TAF2: variants seen among roughly 807,000 people sequenced by gnomAD.
TAF2 encodes transcription initiation factor TFIID subunit 2.
A neutral mutation model predicts 138.5 loss-of-function variants in TAF2; 61 were observed. The observed-to-expected ratio is 0.44, with a 90% CI of 0.36 to 0.54. TAF2 has a LOEUF of 0.54. Ranked by LOEUF, TAF2 falls within the 20% of genes least tolerant of loss-of-function variation. The pLI is 0.00. For missense variants in TAF2, 1,090 were observed against 1,427.9 expected (o/e 0.76, Z 3.81); for synonymous variants, 475 against 469.9 (o/e 1.01, Z -0.14).
At chr8:119,774,206 C>T (rs1188105198) in intron 18 of TAF2, among the ~76,000 whole-genome samples, 2 of 151,966 alleles carry the variant, frequency 1.3e-5, no homozygotes, top group Non-Finnish European at 2.9e-5. Context: ...ATGTTTCTTT[C>T]ACTACAGATT....
intron 14 of TAF2, 122 bp from the exon 15 acceptor site, chr8:119,785,388 T>C: frequency 1.5e-6 from 1 of 685,616 alleles, no homozygotes; most frequent in South Asian, 1.7e-5. Context: ...TTAGGAAAAA[T>C]GGCTATCAAA....
intron 5 of TAF2, among the ~76,000 whole-genome samples, chr8:119,802,378 A>G (rs1274911588): frequency 3.9e-5 from 6 of 152,242 alleles, no homozygotes; most frequent in African/African-American, 1.2e-4. Context: ...AAAGGCTCAC[A>G]GCAAAAAGTT....
At chr8:119,815,435 T>C (rs112982106) in intron 3 of TAF2, among the ~76,000 whole-genome samples, 5 of 151,698 alleles carry the variant, frequency 3.3e-5, no homozygotes, top group African/African-American at 9.6e-5. Context: ...CCACCACACC[T>C]GGCTAATTTT....
intron 22 of TAF2, among the ~76,000 whole-genome samples, chr8:119,753,896 G>A (rs1820521348): frequency 6.6e-6 from 1 of 152,162 alleles, no homozygotes; most frequent in African/African-American, 2.4e-5. Context: ...CATATGAACT[G>A]TTGAATGAAC....
chr8:119,828,319 C>T (rs535209614), intron 2 of TAF2, among the ~76,000 whole-genome samples: 1 of 152,308 alleles, frequency 6.6e-6, no homozygotes, highest in East Asian at 1.9e-4. Flanking sequence ...CCCTTGACCA[C>T]CTTGAGCTCC....
intron 3 of TAF2, among the ~76,000 whole-genome samples, chr8:119,817,934 G>A (rs1008245456): frequency 7.2e-5 from 11 of 152,190 alleles, no homozygotes; most frequent in Admixed American, 2.0e-4. Flanking sequence ...GTCTTTTTAT[G>A]TCAGTTCTAC....
intron 3 of TAF2, among the ~76,000 whole-genome samples, chr8:119,812,988 G>C (rs184112060): frequency 9.8e-5 from 15 of 152,300 alleles, no homozygotes; most frequent in African/African-American, 3.6e-4. Context: ...GCCAGATAAA[G>C]TGGTAGATCT....
intron 18 of TAF2, among the ~76,000 whole-genome samples, chr8:119,768,002 C>T (rs1406581838): frequency 6.6e-6 from 1 of 152,210 alleles, no homozygotes; most frequent in Non-Finnish European, 1.5e-5. Context: ...GCGAAATACA[C>T]CTCCACTCCT....
chr8:119,832,045 G>A, intron 1 of TAF2, among the ~76,000 whole-genome samples: 1 of 152,106 alleles, frequency 6.6e-6, no homozygotes, highest in East Asian at 1.9e-4. Context: ...TGTAATCCCG[G>A]CTACTCAGGA....
intron 18 of TAF2, among the ~76,000 whole-genome samples, chr8:119,768,259 C>T (rs1166069697): frequency 6.6e-6 from 1 of 152,206 alleles, no homozygotes; most frequent in Non-Finnish European, 1.5e-5. Context: ...GCTTCCCATA[C>T]ACCATCGAGC....
At chr8:119,800,984 T>C (rs778877141) in intron 6 of TAF2, among the ~76,000 whole-genome samples, 1 of 152,212 alleles carries the variant, frequency 6.6e-6, no homozygotes, top group Non-Finnish European at 1.5e-5. Context: ...GGCCTGTCAA[T>C]TGATAAATGA....
chr8:119,811,382 T>TATGGAAGTAAACTTTG (rs939848286), intron 3 of TAF2, among the ~76,000 whole-genome samples: 6 of 152,016 alleles, frequency 3.9e-5, no homozygotes, highest in African/African-American at 1.2e-4. Context: ...AGTAAACTTT[T>TATGGAAGTAAACTTTG]ATGGAAGTAA....
In TAF2 at chr8:119,802,043, A is replaced by C; in HGVS notation, c.561-18T>G. The C allele has an allele frequency of 6.3e-7, 1 of 1,588,060 alleles. No homozygotes were observed. Among genetic ancestry groups the C allele is most frequent in the Non-Finnish European group, 8.6e-7 (1 of 1,159,202 alleles). On this transcript the variant is annotated intron_variant, in intron 5 of 25. Coordinates refer to ENST00000378164, the MANE Select transcript of TAF2 (RefSeq NM_003184.4). Reference sequence around the variant, plus strand: ...ACCAAAATCTAGAAAAAAGATTGACAGTATAGAAAATGTATTCAAAGAGTT... The same window carrying C: ...ACCAAAATCTAGAAAAAAGATTGACCGTATAGAAAATGTATTCAAAGAGTT...
rs778465901 is a variant in TAF2 at position 119,762,641 on chromosome 8, A to G, written c.2365-33T>C. ...AAAGAAAAATTAAGTGAAGATAACA[A>G]AATTAACTCTTCTGATCAAAATTAA... On this transcript the variant is annotated intron_variant, in intron 18 of 25. Coordinates refer to ENST00000378164, the MANE Select transcript of TAF2 (RefSeq NM_003184.4). The G allele has an allele frequency of 5.8e-6, 9 of 1,558,906 alleles. No homozygotes were observed. The South Asian group carries it at 1.0e-4, about 18-fold the overall frequency.
chr8:119,803,144 T>C (rs78898975), intron 5 of TAF2, among the ~76,000 whole-genome samples: 1,819 of 152,052 alleles, frequency 0.012, 16 homozygotes, highest in Non-Finnish European at 0.019. Flanking sequence ...AGTTGAGTAG[T>C]AGAATGTGGA....
At chr8:119,795,419 A>G in intron 9 of TAF2, 113 bp downstream of exon 9, 1 of 931,522 alleles carries the variant, frequency 1.1e-6, no homozygotes, top group South Asian at 1.4e-5. Flanking sequence ...ATCAATTCCC[A>G]TTTTGCTGGG....
intron 22 of TAF2, among the ~76,000 whole-genome samples, chr8:119,749,404 T>TA (rs1215173111): frequency 6.6e-6 from 1 of 152,034 alleles, no homozygotes; most frequent in Non-Finnish European, 1.5e-5. Flanking sequence ...ACAAGGGAGC[T>TA]AAAAAATGAA....
intron 18 of TAF2, among the ~76,000 whole-genome samples, chr8:119,776,910 C>T (rs1190871832): frequency 6.6e-6 from 1 of 152,090 alleles, no homozygotes; most frequent in Non-Finnish European, 1.5e-5. Context: ...GACCCTCTCT[C>T]TATATATGTG....
intron 16 of TAF2, among the ~76,000 whole-genome samples, chr8:119,781,599 G>C (rs1187078792): frequency 1.3e-5 from 2 of 152,068 alleles, no homozygotes; most frequent in Admixed American, 6.5e-5. Context: ...AGAACTGCTT[G>C]ACTCAGGACG....
Sources: gnomAD v4.1 joint callset for allele counts (sites outside exome capture counted in the v4.1 genomes callset) on GRCh38, gnomAD v4.1.1 for gene constraint, MANE v1.5 for transcripts, NCBI Gene and HGNC (gene_info 2026-07-23, HGNC 2026-07-21) for gene names.